The following GATA3 variants were observed in gnomAD, a reference collection of about 807,000 sequenced individuals.
The protein encoded by GATA3 is GATA binding protein 3.
GATA3 carries 6 observed loss-of-function variants against 36.0 expected under a neutral mutation model. That is an observed-to-expected ratio of 0.17 (90% CI 0.09 to 0.33). The LOEUF is 0.33. GATA3 is among the 10% of genes least tolerant of loss of function. The probability of loss-of-function intolerance (pLI) is 1.00; values close to 1 mark genes in which losing one functional copy is unlikely to be tolerated. For missense variants in GATA3, 514 were observed against 610.1 expected, an observed-to-expected ratio of 0.84 and a Z score of 1.66; for synonymous variants, 326 against 273.0, an observed-to-expected ratio of 1.19 and a Z score of -1.92.
intron 1 of GATA3, among the ~76,000 whole-genome samples, chr10:8,047,648 C>T (rs1832408379): frequency 6.6e-6 from 1 of 152,176 alleles, no homozygotes; most frequent in Non-Finnish European, 1.5e-5. Flanking sequence ...AAGCTGCTGC[C>T]CGAGGCGTCC....
chr10:8,068,586 T>A (rs763130735), intron 4 of GATA3, among the ~76,000 whole-genome samples: 4 of 152,170 alleles, frequency 2.6e-5, no homozygotes, highest in Non-Finnish European at 5.9e-5. Flanking sequence ...ACCCTGTCTC[T>A]ACTAAAAATA....
upstream of GATA3, among the ~76,000 whole-genome samples, chr10:8,049,632 C>T (rs1338583636): frequency 1.3e-5 from 2 of 152,172 alleles, no homozygotes; most frequent in East Asian, 1.9e-4. Context: ...CCCTCCCGCC[C>T]GGCAGCCGGC....
At chr10:8,061,188 C>A (rs1322697280) in intron 3 of GATA3, among the ~76,000 whole-genome samples, 5 of 152,010 alleles carry the variant, frequency 3.3e-5, no homozygotes, top group Admixed American at 6.6e-5. Flanking sequence ...CGGTTGAAGT[C>A]GTGGTTAGGG....
intron 4 of GATA3, among the ~76,000 whole-genome samples, chr10:8,068,770 A>G (rs1832885439): frequency 6.6e-6 from 1 of 152,182 alleles, no homozygotes; most frequent in South Asian, 2.1e-4. Context: ...GAAAAAAAGA[A>G]AGTGCAGGCT....
chr10:8,046,813 T>C lies in GATA3; in HGVS notation c.-370+1298T>C, dbSNP rs74123852. ...AGACCCCATTGGGTGTCGGGTCGCA[T>C]AGGGGGTCTGATTATGGAGTCTTTC... On this transcript the variant is annotated intron_variant, in intron 1 of 1. Coordinates refer to the GATA3 transcript ENST00000643001. 8.9e-3 allele frequency among the ~76,000 whole-genome samples: 1,351 copies of C among 152,068 alleles called. 4 individuals carry two copies. The highest frequency in any genetic ancestry group is 0.017 in the East Asian group (88 of 5,154).
chr10:8,058,085 C>T lies in GATA3; in HGVS notation c.242-220C>T, dbSNP rs11567894. ...TTCTGCTACATTTGATGGGACATCC[C>T]TGTGGGAGAGATGGGTGAAGGATTC... On this transcript the variant is annotated intron_variant, in intron 2 of 5. Transcript: ENST00000379328. Among the ~76,000 whole-genome samples the T allele has an allele frequency of 6.4e-3, 979 of 152,294 alleles. 11 individuals are homozygous for T. The highest frequency in any genetic ancestry group is 0.022 in the African/African-American group (926 of 41,566).
intron 5 of GATA3, among the ~76,000 whole-genome samples, chr10:8,070,854 T>G (rs894396872): frequency 1.4e-4 from 21 of 152,224 alleles, no homozygotes; most frequent in Admixed American, 5.2e-4. Flanking sequence ...CTACGATCCC[T>G]TATTCTCCCT....
rs2131490911 is a variant in GATA3 at position 8,058,752 on chromosome 10, G to A, written c.689G>A (p.Ser230Asn). The A allele has an allele frequency of 6.2e-7, 1 of 1,611,508 alleles. No individual in the cohort carries two copies. Among genetic ancestry groups the A allele is most frequent in the Non-Finnish European group, 8.5e-7 (1 of 1,179,770 alleles). The change falls in exon 3 of 6, where the codon AGC becomes AAC. Residue 230 changes from serine to asparagine, a missense_variant. Transcript: ENST00000379328. ...TACCCGCCCTACGTGCCCGAGTACA[G>A]CTCCGGACTCTTCCCCCCCAGCAGC... is the stretch of plus-strand genomic sequence containing the variant. Reference protein sequence around the residue: ...TTYPPYVPEYSSGLFPPSSLL... With the variant: ...TTYPPYVPEYNSGLFPPSSLL...
rs1202503352 is a variant in GATA3, at chr10:8,058,920, C to A, written c.778+79C>A. 8.7e-6 allele frequency: 12 copies of A among 1,385,926 alleles called. No homozygotes were observed. In the African/African-American group the frequency reaches 1.1e-4, roughly 13 times the overall value. The allele number at this position is 1,385,926 out of a possible 1,614,324, so 85.9% of individuals were successfully genotyped here. ...CAATCCAGGGCCGCACCCAGAGGGACCCCTCAGGGGAGCCGGGGTGTCCCA... is the reference window on the plus strand; with the variant it reads ...CAATCCAGGGCCGCACCCAGAGGGAACCCTCAGGGGAGCCGGGGTGTCCCA... On this transcript the variant is annotated intron_variant, in intron 3 of 5. Transcript: ENST00000379328.
intron 3 of GATA3, 129 bp downstream of exon 3, chr10:8,058,970 C>T (rs1321549050): frequency 1.2e-6 from 1 of 829,788 alleles, no homozygotes; most frequent in African/African-American, 1.7e-5. Flanking sequence ...GCCATTCTTC[C>T]CATTCTTCCT....
intron 5 of GATA3, among the ~76,000 whole-genome samples, chr10:8,070,193 C>T (rs1261308577): frequency 1.3e-5 from 2 of 152,150 alleles, no homozygotes; most frequent in African/African-American, 2.4e-5. Context: ...AGAGCTAGCT[C>T]CTGAGGAAGG....
In GATA3 at chr10:8,073,868, C is replaced by T. The variant is rs2131521445; in HGVS notation, c.1180C>T (p.Pro394Ser). Reference protein sequence around the residue: ...EDFPKNSSFNPAALSRHMSSL... With the variant: ...EDFPKNSSFNSAALSRHMSSL... ...CTTCCCCAAGAACAGCTCGTTTAACCCGGCCGCCCTCTCCAGACACATGTC... is the reference window on the plus strand; with the variant it reads ...CTTCCCCAAGAACAGCTCGTTTAACTCGGCCGCCCTCTCCAGACACATGTC... The change falls in exon 6 of 6, where the codon CCG becomes TCG. Residue 394 changes from proline (P) to serine (S), a missense_variant. Physicochemically the swap from Pro to Ser is moderately conservative, Grantham distance 74. Transcript: ENST00000379328. 6.2e-7 allele frequency: 1 copy of T among 1,614,082 alleles called. No homozygotes were observed. Among genetic ancestry groups the T allele is most frequent in the Non-Finnish European group, 8.5e-7 (1 of 1,180,006 alleles).
At chr10:8,057,139 C>G (rs1321959065) in intron 2 of GATA3, among the ~76,000 whole-genome samples, 1 of 152,120 alleles carries the variant, frequency 6.6e-6, no homozygotes, top group Non-Finnish European at 1.5e-5. Flanking sequence ...TATACTACTT[C>G]CTGCATAATA....
At chr10:8,069,440 T>C (rs2131511319) in intron 4 of GATA3, 33 bp from the exon 5 acceptor site, 1 of 1,608,736 alleles carries the variant, frequency 6.2e-7, no homozygotes. Context: ...ACATTTGTTT[T>C]GATTTCACCC....
rs1292114601 is a variant in GATA3, at chr10:8,054,767, AGAGG to A, written c.-490_-487del. The A allele has an allele frequency of 6.7e-5, 10 of 149,638 alleles. No homozygotes were observed. Among genetic ancestry groups the A allele is most frequent in the African/African-American group, 2.5e-4 (10 of 40,576 alleles). The allele number at this position is 149,638 out of a possible 1,614,324, so 9.3% of individuals were successfully genotyped here. ...GTAAAAAAAAAAAAAAAATACTGAG[AGAGG>A]GAGAGAGAGAGAGAAGAAGAGAGAG... On this transcript the variant is annotated 5_prime_UTR_variant, in exon 1 of 6. Coordinates refer to ENST00000379328, the MANE Select transcript of GATA3 (RefSeq NM_001002295.2). The surrounding 1 kb of genome is among the most constrained non-coding windows in gnomAD (Gnocchi z 4.2).
intron 4 of GATA3, among the ~76,000 whole-genome samples, chr10:8,065,385 AT>A (rs1181656405): frequency 6.6e-6 from 1 of 150,612 alleles, no homozygotes; most frequent in Non-Finnish European, 1.5e-5. Flanking sequence ...AGCCTCCTGA[AT>A]AGCTGGGAGT....
At chr10:8,062,860 T>G (rs189086915) in intron 3 of GATA3, among the ~76,000 whole-genome samples, 1 of 152,308 alleles carries the variant, frequency 6.6e-6, no homozygotes, top group East Asian at 1.9e-4. Context: ...GAGACCCGTG[T>G]GTCCCTGGGT....
At chr10:8,066,429 T>G (rs1832843073) in intron 4 of GATA3, among the ~76,000 whole-genome samples, 1 of 70,558 alleles carries the variant, frequency 1.4e-5, no homozygotes, top group Non-Finnish European at 3.4e-5. Context: ...CTCAGATTTC[T>G]TTTTCTTTCT....
Position 8,058,764 on chromosome 10 carries a change from T to TC in GATA3, c.708dup (p.Ser237GlnfsTer67), listed in dbSNP as rs771019738. ...GTGCCCGAGTACAGCTCCGGACTCT[T>TC]CCCCCCCAGCAGCCTGCTGGGCGGC... On this transcript the variant is annotated frameshift_variant, in exon 3 of 6. Transcript: ENST00000379328. LOFTEE classifies it high-confidence loss of function. The TC allele has an allele frequency of 8.7e-6, 14 of 1,610,032 alleles. No individual in the cohort carries two copies.
Sources: allele counts gnomAD v4.1 joint callset (sites outside exome capture counted in the v4.1 genomes callset), GRCh38; gene constraint gnomAD v4.1.1; non-coding constraint Gnocchi (gnomAD v3.1); transcripts MANE v1.5; gene names NCBI Gene and HGNC (gene_info 2026-07-23, HGNC 2026-07-21).